Variants in LRRFIP2 observed in about 807,000 individuals in gnomAD.
LRRFIP2 encodes the protein leucine-rich repeat flightless-interacting protein 2.
LRRFIP2 carries 109 observed loss-of-function variants against 125.9 expected under a neutral mutation model. That is an observed-to-expected ratio of 0.87 (90% CI 0.74 to 1.01). The LOEUF is 1.01. Among genes scored for constraint, LRRFIP2 ranks in the 50% least tolerant of loss-of-function variants. The pLI is 0.00. For synonymous variants in LRRFIP2, 291 were observed against 293.1 expected (o/e 0.99, Z 0.07); for missense variants, 850 against 862.3 (o/e 0.99, Z 0.18).
Position 37,052,769 on chromosome 3 carries a change from A to G in LRRFIP2, c.*1082T>C, listed in dbSNP as rs1178504601. 6.6e-6 allele frequency: 1 copy of G among 152,200 alleles called. No individual in the cohort carries two copies. Among genetic ancestry groups the G allele is most frequent in the African/African-American group, 2.4e-5 (1 of 41,458 alleles). The allele number at this position is 152,200 out of a possible 1,614,324, so 9.4% of individuals were successfully genotyped here. A position where few individuals can be genotyped will look rare whatever the true frequency, so the allele number is the denominator to read the frequency against. ...CTTTAAAGATACAATAATCATTTCT[A>G]TAAAACCACCTGGGTACTAAGAGCA... is the stretch of plus-strand genomic sequence containing the variant. On this transcript the variant is annotated 3_prime_UTR_variant, in exon 28 of 28. Coordinates refer to ENST00000336686, the MANE Select transcript of LRRFIP2 (RefSeq NM_006309.4).
chr3:37,084,231 A>G (rs562426157), intron 18 of LRRFIP2, among the ~76,000 whole-genome samples: 26 of 152,308 alleles, frequency 1.7e-4, no homozygotes, highest in Non-Finnish European at 3.5e-4. Flanking sequence ...TACGCATTTG[A>G]ATTTTGCCAC....
At chr3:37,109,217 T>C (rs1208395010) in intron 11 of LRRFIP2, among the ~76,000 whole-genome samples, 1 of 152,090 alleles carries the variant, frequency 6.6e-6, no homozygotes, top group Non-Finnish European at 1.5e-5. Flanking sequence ...AGAAAAACAA[T>C]ATCCTTTCCA....
At chr3:37,079,043 G>T (rs983441185) in intron 19 of LRRFIP2, among the ~76,000 whole-genome samples, 1 of 151,768 alleles carries the variant, frequency 6.6e-6, no homozygotes, top group Non-Finnish European at 1.5e-5. Flanking sequence ...AAATATTTGC[G>T]AATAATATAT....
At chr3:37,058,759 G>A (rs764845269) in intron 25 of LRRFIP2, 31 bp downstream of exon 25, 3 of 1,612,148 alleles carry the variant, frequency 1.9e-6, no homozygotes, top group Non-Finnish European at 2.5e-6. Flanking sequence ...TCTATATACA[G>A]ACTGGGACTG....
At chr3:37,143,692 T>C in intron 2 of LRRFIP2, 1 of 169,712 alleles carries the variant, frequency 5.9e-6, no homozygotes, top group Admixed American at 6.2e-5. Context: ...TCGAATGTCC[T>C]CAGTAAACTT....
At chr3:37,147,954 TTC>T (rs2095900435) in intron 2 of LRRFIP2, among the ~76,000 whole-genome samples, 1 of 152,284 alleles carries the variant, frequency 6.6e-6, no homozygotes, top group Admixed American at 6.5e-5. Flanking sequence ...GCCCCAGAAG[TTC>T]TGTTACCAGC....
At chr3:37,064,878 A>C (rs926106451) in intron 23 of LRRFIP2, 3 of 152,186 alleles carry the variant, frequency 2.0e-5, no homozygotes, top group African/African-American at 7.2e-5. Context: ...AACAGCAGGG[A>C]AACACTCTGG....
intron 24 of LRRFIP2, among the ~76,000 whole-genome samples, chr3:37,059,797 A>AAAAT (rs1553684243): frequency 4.8e-5 from 7 of 145,146 alleles, no homozygotes; most frequent in Admixed American, 3.4e-4. Flanking sequence ...AAAAAAAAAA[A>AAAAT]AATAATAATA....
intron 1 of LRRFIP2, among the ~76,000 whole-genome samples, chr3:37,155,758 A>T (rs2096169048): frequency 6.6e-6 from 1 of 152,250 alleles, no homozygotes; most frequent in African/African-American, 2.4e-5. Flanking sequence ...TTTAGGGTTG[A>T]AGTGTACTGA....
Position 37,105,495 on chromosome 3 carries a change from A to G in LRRFIP2, c.743T>C (p.Val248Ala), listed in dbSNP as rs1465313129. 6.2e-7 allele frequency: 1 copy of G among 1,613,998 alleles called. No homozygotes were observed. The highest frequency in any genetic ancestry group is 1.7e-5 in the Admixed American group (1 of 60,034). The change falls in exon 14 of 28, where the codon GTG becomes GCG. Residue 248 changes from valine (V) to alanine (A), a missense_variant. Coordinates refer to ENST00000336686, the MANE Select transcript of LRRFIP2 (RefSeq NM_006309.4). The part of the protein sequence containing the change: ...GFTNDDTASI[V>A]SSDRASRGRR... Reference sequence around the variant, plus strand: ...TCCACGACTGGCACGATCAGAAGACACAATGCTTGCAGTGTCATCGTTGGT... The same window carrying G: ...TCCACGACTGGCACGATCAGAAGACGCAATGCTTGCAGTGTCATCGTTGGT...
chr3:37,110,859 T>G (rs1215104912), intron 9 of LRRFIP2, 132 bp downstream of exon 9: 1 of 676,872 alleles, frequency 1.5e-6, no homozygotes, highest in African/African-American at 1.8e-5. Flanking sequence ...ACTATATAAA[T>G]TCAGTTACCA....
At chr3:37,174,076 C>T (rs924136512) in intron 1 of LRRFIP2, 1 of 152,104 alleles carries the variant, frequency 6.6e-6, no homozygotes. Flanking sequence ...TTAGGGAACA[C>T]TCTGAATATA....
chr3:37,063,414 A>C (rs923376829), intron 24 of LRRFIP2, among the ~76,000 whole-genome samples: 2 of 152,248 alleles, frequency 1.3e-5, no homozygotes, highest in African/African-American at 4.8e-5. Flanking sequence ...TGTTATACAG[A>C]GATACAAGGA....
chr3:37,097,768 C>T (rs2093799970), intron 15 of LRRFIP2, among the ~76,000 whole-genome samples: 1 of 152,130 alleles, frequency 6.6e-6, no homozygotes. Context: ...AAAAGAAATT[C>T]AGAGGTGACA....
chr3:37,171,783 C>A (rs6796640), intron 1 of LRRFIP2, among the ~76,000 whole-genome samples: 53,425 of 151,950 alleles, frequency 0.35, 10,563 homozygotes, highest in Non-Finnish European at 0.45. Flanking sequence ...TTATGCAGGG[C>A]AAGAATTTAA....
At chr3:37,070,761 A>G (rs2091049085) in intron 21 of LRRFIP2, among the ~76,000 whole-genome samples, 1 of 152,110 alleles carries the variant, frequency 6.6e-6, no homozygotes, top group Non-Finnish European at 1.5e-5. Flanking sequence ...AATATTTTCC[A>G]ATTAAAAGCC....
chr3:37,106,531 G>C (rs2094332481), intron 13 of LRRFIP2, among the ~76,000 whole-genome samples: 1 of 152,088 alleles, frequency 6.6e-6, no homozygotes, highest in Non-Finnish European at 1.5e-5. Context: ...ATATAAGCTG[G>C]GTACAGTAAT....
chr3:37,073,982 A>T (rs879438906), intron 20 of LRRFIP2, among the ~76,000 whole-genome samples: 1 of 152,230 alleles, frequency 6.6e-6, no homozygotes, highest in Admixed American at 6.5e-5. Flanking sequence ...CAAGAAAATT[A>T]ACTTCACATG....
At chr3:37,063,134 C>A (rs1167181990) in intron 24 of LRRFIP2, among the ~76,000 whole-genome samples, 1 of 152,110 alleles carries the variant, frequency 6.6e-6, no homozygotes, top group African/African-American at 2.4e-5. Flanking sequence ...CAAAGAAAAA[C>A]CATAACATTA....
Sources: gnomAD v4.1 joint callset for allele counts (sites outside exome capture counted in the v4.1 genomes callset) on GRCh38, gnomAD v4.1.1 for gene constraint, MANE v1.5 for transcripts, NCBI Gene and HGNC (gene_info 2026-07-23, HGNC 2026-07-21) for gene names.